The following PHF21B variants were observed in gnomAD, a reference collection of about 807,000 sequenced individuals.
PHF21B encodes PHD finger protein 4.
In PHF21B, 22 loss-of-function variants were observed where a neutral mutation model predicts 62.2. The ratio of observed to expected loss-of-function variants is 0.35; its 90% CI spans 0.25 to 0.51. The LOEUF is 0.51. Ranked by LOEUF, PHF21B falls within the 20% of genes least tolerant of loss-of-function variation. PHF21B has a pLI of 0.97. For missense variants in PHF21B, 701 were observed against 707.9 expected (o/e 0.99, Z 0.11); for synonymous variants, 341 against 314.7 (o/e 1.08, Z -0.88).
At position 45,008,582 on chromosome 22, in the gene PHF21B, T is replaced by A. The variant is rs1405916350; in HGVS notation, c.83A>T (p.Glu28Val). 3.1e-6 allele frequency: 5 copies of A among 1,590,278 alleles called. No individual in the cohort carries two copies. In the African/African-American group the frequency reaches 4.0e-5, roughly 13 times the overall value. ...GAGCGCGGCGATCCGCGGCTGCCTT[T>A]CGTGGAGCTGCTTCTTGAGGTCGCC... ...QNGDLKKQLH[E>V]RQPRIAALSD... is the part of the protein sequence containing the mutation. Residue 28 changes from glutamate (E) to valine (V), a missense_variant, in exon 2 of 13, where the codon GAA becomes GTA. By Grantham distance (121) the Glu-to-Val change is moderately radical. Coordinates refer to ENST00000313237, the MANE Select transcript of PHF21B (RefSeq NM_138415.5).
chr22:44,918,643 G>A (rs1333610340), intron 3 of PHF21B, among the ~76,000 whole-genome samples: 1 of 152,246 alleles, frequency 6.6e-6, no homozygotes, highest in Non-Finnish European at 1.5e-5. Context: ...GCAGCAGCTG[G>A]TAGCTGGACC....
intron 2 of PHF21B, among the ~76,000 whole-genome samples, chr22:44,939,367 T>A (rs1016148670): frequency 6.6e-6 from 1 of 152,212 alleles, no homozygotes; most frequent in African/African-American, 2.4e-5. Flanking sequence ...CTGCCATGTG[T>A]GACTGGTGTC....
intron 2 of PHF21B, among the ~76,000 whole-genome samples, chr22:44,926,054 G>A (rs1319805544): frequency 1.5e-5 from 1 of 65,660 alleles, no homozygotes; most frequent in Non-Finnish European, 4.4e-5. Context: ...ACGTGGCCCG[G>A]CCTGCAGTGG....
intron 2 of PHF21B, among the ~76,000 whole-genome samples, chr22:44,978,421 G>A (rs556419362): frequency 2.0e-5 from 3 of 152,252 alleles, no homozygotes; most frequent in East Asian, 3.9e-4. Flanking sequence ...GTGCAGTGGC[G>A]CGATCTAGGC....
chr22:44,889,814 T>C, intron 8 of PHF21B, 32 bp from the exon 9 acceptor site: 3 of 1,542,990 alleles, frequency 1.9e-6, no homozygotes, highest in South Asian at 2.6e-5. Flanking sequence ...GAGAACACGT[T>C]AGTGGCCGTC....
chr22:44,912,430 A>C (rs1473175280), intron 5 of PHF21B, among the ~76,000 whole-genome samples: 1 of 152,156 alleles, frequency 6.6e-6, no homozygotes, highest in Non-Finnish European at 1.5e-5. Flanking sequence ...GGTGGGAAGT[A>C]ACTGAATTAT....
intron 2 of PHF21B, among the ~76,000 whole-genome samples, chr22:44,940,245 C>A (rs992807541): frequency 6.6e-6 from 1 of 152,214 alleles, no homozygotes; most frequent in African/African-American, 2.4e-5. Flanking sequence ...CCACACCCTC[C>A]AGCCACCTTA....
intron 2 of PHF21B, among the ~76,000 whole-genome samples, chr22:44,940,129 T>A (rs1208528157): frequency 6.6e-6 from 1 of 152,128 alleles, no homozygotes; most frequent in Non-Finnish European, 1.5e-5. Flanking sequence ...CAGAAGTGCT[T>A]AAGATGCCGC....
At chr22:45,007,628 G>T (rs1003504329) in intron 2 of PHF21B, among the ~76,000 whole-genome samples, 1 of 146,424 alleles carries the variant, frequency 6.8e-6, no homozygotes, top group African/African-American at 2.5e-5. Context: ...CGCCACAGCG[G>T]TGCCCCCAGC....
chr22:44,900,972 C>G (rs1462079581), intron 5 of PHF21B, among the ~76,000 whole-genome samples: 1 of 152,194 alleles, frequency 6.6e-6, no homozygotes, highest in African/African-American at 2.4e-5. Flanking sequence ...AGGACATTTT[C>G]CTTGAATTAT....
chr22:44,896,399 C>T (rs150782112), intron 5 of PHF21B, among the ~76,000 whole-genome samples: 3 of 152,088 alleles, frequency 2.0e-5, no homozygotes, highest in African/African-American at 7.2e-5. Context: ...CCCCTAACTC[C>T]AGACACCAAG....
chr22:44,990,957 G>T (rs2073033870), intron 2 of PHF21B, among the ~76,000 whole-genome samples: 1 of 152,218 alleles, frequency 6.6e-6, no homozygotes, highest in Admixed American at 6.5e-5. Context: ...ACCTTGGAAG[G>T]TCTAACCACC....
At chr22:44,962,111 C>T (rs1413599214) in intron 2 of PHF21B, among the ~76,000 whole-genome samples, 1 of 152,030 alleles carries the variant, frequency 6.6e-6, no homozygotes, top group Non-Finnish European at 1.5e-5. Context: ...GATGTATTTT[C>T]TTTCCAATAT....
chr22:44,918,380 G>A (rs1299788150), intron 3 of PHF21B, among the ~76,000 whole-genome samples: 3 of 152,246 alleles, frequency 2.0e-5, no homozygotes, highest in East Asian at 1.9e-4. Context: ...AATCACAGAT[G>A]CCAGACACAG....
At chr22:44,950,679 T>C (rs1299870909) in intron 2 of PHF21B, among the ~76,000 whole-genome samples, 1 of 152,214 alleles carries the variant, frequency 6.6e-6, no homozygotes, top group African/African-American at 2.4e-5. Context: ...CTTCACTGGA[T>C]AGCCAGTGGT....
At chr22:44,994,586 G>A (rs920360456) in intron 2 of PHF21B, among the ~76,000 whole-genome samples, 3 of 152,190 alleles carry the variant, frequency 2.0e-5, no homozygotes, top group East Asian at 1.9e-4. Flanking sequence ...GATCAGTTAC[G>A]GCAGCCACAG....
At chr22:44,969,913 T>A (rs1000041694) in intron 2 of PHF21B, among the ~76,000 whole-genome samples, 1 of 152,254 alleles carries the variant, frequency 6.6e-6, no homozygotes, top group African/African-American at 2.4e-5. Context: ...AGGGCTGAGA[T>A]TTGAACACTG....
chr22:44,895,425 G>C (rs2071038976), intron 6 of PHF21B, among the ~76,000 whole-genome samples: 1 of 152,176 alleles, frequency 6.6e-6, no homozygotes, highest in African/African-American at 2.4e-5. Context: ...TGCCCTGTCT[G>C]CTCAAATAAA....
intron 2 of PHF21B, among the ~76,000 whole-genome samples, chr22:44,961,196 C>T (rs1028945430): frequency 6.6e-6 from 1 of 151,932 alleles, no homozygotes; most frequent in African/African-American, 2.4e-5. Flanking sequence ...ACCTCGTGAT[C>T]CACCTGCCTC....
Sources: allele counts gnomAD v4.1 joint callset (sites outside exome capture counted in the v4.1 genomes callset), GRCh38; gene constraint gnomAD v4.1.1; transcripts MANE v1.5; gene names NCBI Gene and HGNC (gene_info 2026-07-23, HGNC 2026-07-21).